Variants in GUCY1B1 observed in about 807,000 individuals in gnomAD.
GUCY1B1 encodes guanylate cyclase soluble subunit beta-1.
A neutral mutation model predicts 71.0 loss-of-function variants in GUCY1B1; 43 were observed. That is an observed-to-expected ratio of 0.61 (90% confidence interval 0.47 to 0.78). The LOEUF is 0.78. GUCY1B1 is among the 30% of genes least tolerant of loss of function. The pLI is 0.00. For missense variants in GUCY1B1, 535 were observed against 754.1 expected, an observed-to-expected ratio of 0.71 and a Z score of 3.40; for synonymous variants, 266 against 259.7, an observed-to-expected ratio of 1.02 and a Z score of -0.23.
chr4:155,789,209 A>G (rs1272294268), intron 4 of GUCY1B1, among the ~76,000 whole-genome samples: 1 of 152,236 alleles, frequency 6.6e-6, no homozygotes, highest in Non-Finnish European at 1.5e-5. Context: ...AGATATTAGA[A>G]TAGTTAAATA....
intron 9 of GUCY1B1, among the ~76,000 whole-genome samples, chr4:155,801,015 C>T (rs1438128144): frequency 6.6e-6 from 1 of 152,038 alleles, no homozygotes; most frequent in Non-Finnish European, 1.5e-5. Flanking sequence ...GATAAATAAC[C>T]AGCACTATAA....
At chr4:155,762,392 T>A (rs901718059) in intron 2 of GUCY1B1, among the ~76,000 whole-genome samples, 1 of 152,246 alleles carries the variant, frequency 6.6e-6, no homozygotes, top group African/African-American at 2.4e-5. Flanking sequence ...TTTGAGAAAC[T>A]ATCTAAATTG....
rs1401365836 is a variant in GUCY1B1 at position 155,802,446 on chromosome 4, T to C, written c.1280T>C (p.Ile427Thr). ...AATGTGACCATCCTCTTTAGTGGCA[T>C]TGTGGGCTTCAATGCTTTCTGTAGC... is the stretch of plus-strand genomic sequence containing the variant. The part of the protein sequence containing the change: ...YDNVTILFSG[I>T]VGFNAFCSKH... Residue 427 changes from isoleucine (I) to threonine (T), a missense_variant, in exon 10 of 14, where the codon ATT becomes ACT. Ile to Thr is a moderately conservative substitution (Grantham distance 89, BLOSUM62 -1). Transcript: ENST00000264424. The surrounding 1 kb of genome is among the most constrained non-coding windows in gnomAD (Gnocchi z 4.3). The C allele has an allele frequency of 6.2e-7, 1 of 1,613,736 alleles. No individual in the cohort carries two copies. Among genetic ancestry groups the C allele is most frequent in the Admixed American group, 1.7e-5 (1 of 59,978 alleles).
rs1740062188 is a variant in GUCY1B1, at chr4:155,802,953, A to G, written c.1413+374A>G. On this transcript the variant is annotated intron_variant, in intron 10 of 13. Transcript: ENST00000264424. The surrounding 1 kb of genome is among the most constrained non-coding windows in gnomAD (Gnocchi z 4.3). ...GAGATATATAAATGCTTTGTACAGT[A>G]AAGAAGTCATGAAGCATGAGAAGGA... Among the ~76,000 whole-genome samples the G allele has an allele frequency of 6.6e-6, 1 of 152,216 alleles. No individual in the cohort carries two copies. Among genetic ancestry groups the G allele is most frequent in the South Asian group, 2.1e-4 (1 of 4,834 alleles).
At chr4:155,769,423 C>T (rs1737553606) in intron 2 of GUCY1B1, among the ~76,000 whole-genome samples, 2 of 152,022 alleles carry the variant, frequency 1.3e-5, no homozygotes, top group South Asian at 2.1e-4. Context: ...GTCTGCTGAC[C>T]TCTTTCATTG....
intron 2 of GUCY1B1, among the ~76,000 whole-genome samples, chr4:155,763,469 A>G (rs1016413555): frequency 6.6e-6 from 1 of 152,204 alleles, no homozygotes; most frequent in Non-Finnish European, 1.5e-5. Context: ...AATCAGATAA[A>G]ACGTTTATCT....
chr4:155,777,498 T>A (rs201993392), intron 3 of GUCY1B1, 26 bp from the exon 4 acceptor site: 2 of 1,158,560 alleles, frequency 1.7e-6, no homozygotes, highest in Non-Finnish European at 2.6e-6. Flanking sequence ...ATATGCTTTT[T>A]TTCCCCTCTT....
chr4:155,805,337 C>A, intron 13 of GUCY1B1, 108 bp downstream of exon 13: 1 of 903,266 alleles, frequency 1.1e-6, no homozygotes, highest in South Asian at 1.8e-5. Context: ...TTCTTGCTAA[C>A]AGAAATTAAC....
intron 2 of GUCY1B1, among the ~76,000 whole-genome samples, chr4:155,769,382 T>C (rs1737551435): frequency 6.6e-6 from 1 of 152,144 alleles, no homozygotes; most frequent in Admixed American, 6.6e-5. Context: ...AAAGTGCTTT[T>C]AAACTTGAAC....
At chr4:155,774,806 C>T (rs1449192350) in intron 2 of GUCY1B1, among the ~76,000 whole-genome samples, 162 bp from the exon 3 acceptor site, 4 of 152,144 alleles carry the variant, frequency 2.6e-5, no homozygotes, top group Non-Finnish European at 5.9e-5. Flanking sequence ...TCTGCTCTCT[C>T]ACTAGAATTT....
chr4:155,768,225 T>C (rs1158486536), intron 2 of GUCY1B1, among the ~76,000 whole-genome samples: 1 of 152,138 alleles, frequency 6.6e-6, no homozygotes, highest in Non-Finnish European at 1.5e-5. Flanking sequence ...ATTCTTAACT[T>C]ACTCTAAAAA....
intron 13 of GUCY1B1, 48 bp from the exon 14 acceptor site, chr4:155,806,338 C>G (rs1428953711): frequency 1.6e-6 from 2 of 1,236,146 alleles, no homozygotes; most frequent in Non-Finnish European, 2.4e-6. Flanking sequence ...ATATTATAAA[C>G]CTCACTATCA....
intron 3 of GUCY1B1, among the ~76,000 whole-genome samples, chr4:155,776,868 A>G (rs536986655): frequency 3.3e-5 from 5 of 152,262 alleles, no homozygotes; most frequent in African/African-American, 1.2e-4. Context: ...GTTTTTTGGA[A>G]AAAAGAAGTA....
In GUCY1B1 at chr4:155,802,826, C is replaced by T. The variant is rs1053741074; in HGVS notation, c.1413+247C>T. On this transcript the variant is annotated intron_variant, in intron 10 of 13. Transcript: ENST00000264424. The surrounding 1 kb of genome is among the most constrained non-coding windows in gnomAD (Gnocchi z 4.3). ...TTCCCTGGTTAAAATGAAATGTTCACCATCTTATTTGCACTTAGGCTAACA... is the reference window on the plus strand; with the variant it reads ...TTCCCTGGTTAAAATGAAATGTTCATCATCTTATTTGCACTTAGGCTAACA... 6.6e-6 allele frequency among the ~76,000 whole-genome samples: 1 copy of T among 152,210 alleles called. No homozygotes were observed. Among genetic ancestry groups the T allele is most frequent in the Non-Finnish European group, 1.5e-5 (1 of 68,040 alleles).
In GUCY1B1 at chr4:155,807,306, C is replaced by T. The variant is rs1366357767; in HGVS notation, c.*897C>T. 2.0e-5 allele frequency: 3 copies of T among 152,150 alleles called. No homozygotes were observed. The highest frequency in any genetic ancestry group is 2.1e-4 in the South Asian group (1 of 4,826). 9.4% of individuals were successfully genotyped at this position (152,150 alleles called of 1,614,324 possible). A position where few individuals can be genotyped will look rare whatever the true frequency, so the allele number is the denominator to read the frequency against. On this transcript the variant is annotated 3_prime_UTR_variant, in exon 14 of 14. Transcript: ENST00000264424. ...TTGGCCTTGTATTCCCAGAAATGAG[C>T]TCCCTTTCCTTAGCTTAGAAGAATG...
At chr4:155,773,486 G>A (rs971784793) in intron 2 of GUCY1B1, among the ~76,000 whole-genome samples, 1 of 152,082 alleles carries the variant, frequency 6.6e-6, no homozygotes, top group African/African-American at 2.4e-5. Context: ...AATAAGCTAA[G>A]GATATATTTG....
chr4:155,793,018 C>G (rs1042415982), intron 5 of GUCY1B1, among the ~76,000 whole-genome samples: 1 of 152,166 alleles, frequency 6.6e-6, no homozygotes, highest in Non-Finnish European at 1.5e-5. Flanking sequence ...AAAATACCCC[C>G]TCATCAGTGG....
At chr4:155,776,576 A>G (rs1738063222) in intron 3 of GUCY1B1, among the ~76,000 whole-genome samples, 1 of 152,080 alleles carries the variant, frequency 6.6e-6, no homozygotes, top group Admixed American at 6.6e-5. Flanking sequence ...AGGCTGAGGC[A>G]GGAGAATGGC....
At chr4:155,784,639 A>G (rs1462730163) in intron 4 of GUCY1B1, among the ~76,000 whole-genome samples, 1 of 152,152 alleles carries the variant, frequency 6.6e-6, no homozygotes, top group Non-Finnish European at 1.5e-5. Context: ...GCAGATCTAA[A>G]CTGCAGTAAT....
Sources: allele counts gnomAD v4.1 joint callset (sites outside exome capture counted in the v4.1 genomes callset), GRCh38; gene constraint gnomAD v4.1.1; non-coding constraint Gnocchi (gnomAD v3.1); transcripts MANE v1.5; gene names NCBI Gene and HGNC (gene_info 2026-07-23, HGNC 2026-07-21).